The following NAV2 variants were observed in gnomAD, a reference collection of about 807,000 sequenced individuals.
The protein encoded by NAV2 is helicase, APC down-regulated 1.
In NAV2, 54 loss-of-function variants were observed where a neutral mutation model predicts 223.2. The observed-to-expected ratio is 0.24, with a 90% CI of 0.19 to 0.30. The LOEUF (loss-of-function observed/expected upper bound fraction) is 0.30. Ranked by LOEUF, NAV2 falls within the 10% of genes least tolerant of loss-of-function variation. The probability of loss-of-function intolerance (pLI) is 1.00; values close to 1 mark genes in which losing one functional copy is unlikely to be tolerated. For synonymous variants in NAV2, 1,279 were observed against 1,239.3 expected (o/e 1.03, Z -0.67); for missense variants, 2,806 against 3,147.5 (o/e 0.89, Z 2.60).
At chr11:19,985,270 G>A (rs1287048880) in intron 11 of NAV2, among the ~76,000 whole-genome samples, 1 of 152,202 alleles carries the variant, frequency 6.6e-6, no homozygotes, top group Admixed American at 6.5e-5. Flanking sequence ...ATCACACCCA[G>A]AGATGGAATT....
intron 1 of NAV2, among the ~76,000 whole-genome samples, chr11:19,602,173 C>CTT (rs1204696986): frequency 0.024 from 2,768 of 116,098 alleles, 142 homozygotes; most frequent in African/African-American, 0.081. Flanking sequence ...CTCTACAAGT[C>CTT]TTTTTTTTTT....
chr11:19,441,042 T>C (rs992766032), intron 1 of NAV2, among the ~76,000 whole-genome samples: 3 of 152,058 alleles, frequency 2.0e-5, no homozygotes, highest in African/African-American at 7.2e-5. Flanking sequence ...ACAAAGAAGA[T>C]GTACAGGATG....
At position 19,948,717 on chromosome 11, in the gene NAV2, A is replaced by C; in HGVS notation, c.2282A>C (p.Asn761Thr). ...HSTLETTFDT[N>T]VTTEMSGRSI... ...ACATTGGAAACCACGTTTGACACCA[A>C]TGTCACCACGGAGATGAGTGGCCGT... The change falls in exon 10 of 38, where the codon AAT (asparagine) becomes ACT (threonine). Residue 761 changes from asparagine (N) to threonine (T), a missense_variant. Physicochemically the swap from Asn to Thr is moderately conservative, Grantham distance 65. Around this residue, in one of 4 missense-constraint regions of NAV2, gnomAD observed 1,167 missense variants for 1,180.5 expected, o/e 0.99. Coordinates refer to ENST00000349880, the MANE Select transcript of NAV2 (RefSeq NM_145117.5). 1 of 1,591,642 alleles carries C rather than the reference A, an allele frequency of 6.3e-7. No homozygotes were observed. Among genetic ancestry groups the C allele is most frequent in the East Asian group, 2.3e-5 (1 of 44,288 alleles).
At chr11:20,092,611 C>T (rs977448537) in intron 28 of NAV2, among the ~76,000 whole-genome samples, 2 of 152,066 alleles carry the variant, frequency 1.3e-5, no homozygotes, top group Non-Finnish European at 1.5e-5. Flanking sequence ...GATCCCCTCG[C>T]CCACCATGCT....
chr11:19,935,862 T>TTTG (rs1223388446), intron 7 of NAV2, among the ~76,000 whole-genome samples: 1 of 112,910 alleles, frequency 8.9e-6, no homozygotes, highest in South Asian at 3.9e-4. Flanking sequence ...TTTTTTTTTT[T>TTTG]TTTTTTTTTT....
At chr11:19,925,777 A>G (rs1210178214) in intron 6 of NAV2, among the ~76,000 whole-genome samples, 2 of 151,358 alleles carry the variant, frequency 1.3e-5, no homozygotes, top group Non-Finnish European at 3.0e-5. Flanking sequence ...ATCCAACTTT[A>G]GTTTTCTTTT....
At chr11:19,363,137 C>A (rs1854055209) in intron 1 of NAV2, among the ~76,000 whole-genome samples, 1 of 152,162 alleles carries the variant, frequency 6.6e-6, no homozygotes, top group African/African-American at 2.4e-5. Flanking sequence ...CCCTAGCCCC[C>A]CACCCCACGA....
intron 1 of NAV2, among the ~76,000 whole-genome samples, chr11:19,761,723 T>G (rs1481812763): frequency 6.6e-6 from 1 of 152,194 alleles, no homozygotes; most frequent in Non-Finnish European, 1.5e-5. Context: ...CTAGAACTGC[T>G]CTAAGGACTA....
intron 1 of NAV2, among the ~76,000 whole-genome samples, chr11:19,373,649 T>C (rs534011479): frequency 2.0e-4 from 30 of 152,322 alleles, no homozygotes; most frequent in South Asian, 1.5e-3. Context: ...TTTTTTGTCA[T>C]AGCACTTGTC....
intron 26 of NAV2, among the ~76,000 whole-genome samples, chr11:20,089,589 C>T (rs995975222): frequency 6.6e-6 from 1 of 152,162 alleles, no homozygotes; most frequent in Non-Finnish European, 1.5e-5. Context: ...TCAGCTTCAG[C>T]TTTGTAACTT....
intron 1 of NAV2, among the ~76,000 whole-genome samples, chr11:19,416,158 T>C (rs1850360461): frequency 1.3e-5 from 2 of 151,978 alleles, no homozygotes; most frequent in African/African-American, 4.8e-5. Flanking sequence ...CCAAATTGTC[T>C]CTCTTTTCAG....
intron 1 of NAV2, chr11:19,777,734 G>A (rs1384786249): frequency 2.4e-6 from 1 of 411,156 alleles, no homozygotes; most frequent in African/African-American, 2.0e-5. Flanking sequence ...CTGGTTGTGA[G>A]TCATTGAAGG....
chr11:19,916,697 A>G (rs1046282863), intron 6 of NAV2, among the ~76,000 whole-genome samples: 2 of 152,248 alleles, frequency 1.3e-5, no homozygotes, highest in African/African-American at 4.8e-5. Context: ...TTTCTTTTAA[A>G]TGGCTGGACA....
rs2625330 is a variant in NAV2 at position 19,946,675 on chromosome 11, T to C, written c.2255+166T>C. Among the ~76,000 whole-genome samples, 229 of 152,318 alleles carry C rather than the reference T, an allele frequency of 1.5e-3. 1 individual carries two copies. Among genetic ancestry groups the C allele is most frequent in the African/African-American group, 5.1e-3 (213 of 41,574 alleles). On this transcript the variant is annotated intron_variant, in intron 9 of 37. Transcript: ENST00000349880. ...CCATATGACATGCAGAAGAGAGTTATAGGAAATAAAAAATTAGTATAGACA... is the reference window on the plus strand; with the variant it reads ...CCATATGACATGCAGAAGAGAGTTACAGGAAATAAAAAATTAGTATAGACA...
intron 11 of NAV2, among the ~76,000 whole-genome samples, chr11:19,993,117 G>A (rs1038511640): frequency 5.3e-5 from 8 of 152,142 alleles, no homozygotes; most frequent in Admixed American, 3.9e-4. Context: ...CTATATCTGT[G>A]CCCTGCAATA....
At chr11:19,523,025 C>T (rs372700238) in intron 1 of NAV2, among the ~76,000 whole-genome samples, 26 of 152,362 alleles carry the variant, frequency 1.7e-4, no homozygotes, top group East Asian at 1.5e-3. Context: ...CTCATTATCT[C>T]ACTGGGTTCT....
chr11:20,009,978 C>CT (rs944365109), intron 11 of NAV2, among the ~76,000 whole-genome samples: 2 of 152,148 alleles, frequency 1.3e-5, no homozygotes, highest in Admixed American at 1.3e-4. Context: ...TTATAACTGT[C>CT]TGCTACTAGC....
chr11:19,776,020 T>C (rs1196212398), intron 1 of NAV2, among the ~76,000 whole-genome samples: 1 of 152,168 alleles, frequency 6.6e-6, no homozygotes, highest in Non-Finnish European at 1.5e-5. Context: ...TGAAAAAGAT[T>C]AGGACCAATT....
At chr11:19,699,324 A>C in intron 1 of NAV2, among the ~76,000 whole-genome samples, 1 of 152,256 alleles carries the variant, frequency 6.6e-6, no homozygotes, top group Non-Finnish European at 1.5e-5. Context: ...TGTTTGAAGC[A>C]ATTAAATGGG....
Sources: allele counts gnomAD v4.1 joint callset (sites outside exome capture counted in the v4.1 genomes callset), GRCh38; gene constraint gnomAD v4.1.1; regional missense constraint gnomAD v4.1.1; transcripts MANE v1.5; gene names NCBI Gene and HGNC (gene_info 2026-07-23, HGNC 2026-07-21).